The following TMEM232 variants were observed in gnomAD, a reference collection of about 807,000 sequenced individuals.
TMEM232 encodes the protein transmembrane protein 232.
In TMEM232, 80 loss-of-function variants were observed where a neutral mutation model predicts 78.8. The ratio of observed to expected loss-of-function variants is 1.01; its 90% CI spans 0.85 to 1.22. The LOEUF (loss-of-function observed/expected upper bound fraction) is 1.22. TMEM232 is among the 50% of genes most tolerant of loss of function. The pLI is 0.00. For synonymous variants in TMEM232, 297 were observed against 254.3 expected, an observed-to-expected ratio of 1.17 and a Z score of -1.60; for missense variants, 881 against 742.2, an observed-to-expected ratio of 1.19 and a Z score of -2.17.
chr5:110,532,357 G>C (rs1406928621), intron 11 of TMEM232, among the ~76,000 whole-genome samples: 2 of 151,412 alleles, frequency 1.3e-5, no homozygotes, highest in Middle Eastern at 3.2e-3. Context: ...GACCATCACG[G>C]ATGCCGAGCT....
intron 8 of TMEM232, among the ~76,000 whole-genome samples, chr5:110,609,508 G>A: frequency 6.6e-6 from 1 of 151,738 alleles, no homozygotes; most frequent in Non-Finnish European, 1.5e-5. Flanking sequence ...AGTATTATTT[G>A]AGTTCATTCT....
intron 2 of TMEM232, among the ~76,000 whole-genome samples, chr5:110,664,180 A>G (rs1297196796): frequency 2.0e-5 from 3 of 152,146 alleles, no homozygotes; most frequent in African/African-American, 7.2e-5. Flanking sequence ...CTGCACAGAT[A>G]CACAAGGAGA....
intron 2 of TMEM232, among the ~76,000 whole-genome samples, chr5:110,414,451 ATATGG>A (rs1156748718): frequency 6.6e-6 from 1 of 152,178 alleles, no homozygotes; most frequent in Admixed American, 6.5e-5. Flanking sequence ...ATCTCTATCT[ATATGG>A]TGAAATATCA....
intron 2 of TMEM232, among the ~76,000 whole-genome samples, chr5:110,410,747 GGTA>G (rs1185079722): frequency 6.6e-6 from 1 of 152,180 alleles, no homozygotes; most frequent in Non-Finnish European, 1.5e-5. Context: ...AAAGTGAGGT[GGTA>G]GTAGTATTAC....
At chr5:110,394,000 T>C (rs1755298814) in intron 3 of TMEM232, among the ~76,000 whole-genome samples, 1 of 151,694 alleles carries the variant, frequency 6.6e-6, no homozygotes. Context: ...TTGTTGACTG[T>C]AGTCACCATG....
rs573875674 is a variant in TMEM232 at position 110,438,528 on chromosome 5, T to C, written c.1704-13612A>G. ...GTTCATCTAATGTCACGCTACTTTCTATAAGGTTCTTTTATTTTCTATATT... is the reference window on the plus strand; with the variant it reads ...GTTCATCTAATGTCACGCTACTTTCCATAAGGTTCTTTTATTTTCTATATT... On this transcript the variant is annotated intron_variant, in intron 12 of 13. Transcript: ENST00000455884. Among the ~76,000 whole-genome samples, 5 of 152,160 alleles carry C rather than the reference T, an allele frequency of 3.3e-5. No homozygotes were observed. The South Asian group carries it at 1.0e-3, about 32-fold the overall frequency.
chr5:110,508,701 GCTGTTTCC>G (rs1767260770), intron 12 of TMEM232, among the ~76,000 whole-genome samples: 1 of 150,438 alleles, frequency 6.6e-6, no homozygotes, highest in South Asian at 2.1e-4. Context: ...AGCTGTTTGT[GCTGTTTCC>G]CTTTCACGAA....
In TMEM232 at chr5:110,615,366, G is replaced by A. The variant is rs545119128; in HGVS notation, c.902+3063C>T. ...TATGTGGCAATTGCATTTTCAACTT[G>A]TTATGGCATTACAAGTTATTATTAT... On this transcript the variant is annotated intron_variant, in intron 8 of 13. Transcript: ENST00000455884. Among the ~76,000 whole-genome samples the A allele has an allele frequency of 3.9e-5, 6 of 151,984 alleles. No homozygotes were observed. In the South Asian group the frequency reaches 1.0e-3, roughly 26 times the overall value.
intron 5 of TMEM232, 59 bp downstream of exon 5, chr5:110,638,139 T>C (rs1035446046): frequency 6.2e-6 from 8 of 1,280,012 alleles, no homozygotes; most frequent in Non-Finnish European, 8.5e-6. Flanking sequence ...ACAGATGTCA[T>C]GTTGTTACAT....
At chr5:110,692,087 A>AT (rs1159168595) in intron 1 of TMEM232, among the ~76,000 whole-genome samples, 2 of 151,728 alleles carry the variant, frequency 1.3e-5, no homozygotes, top group African/African-American at 2.4e-5. Flanking sequence ...CGCTCGGCTA[A>AT]TTTTTTTGTA....
chr5:110,403,338 C>T (rs1395717847), intron 2 of TMEM232, among the ~76,000 whole-genome samples: 2 of 152,040 alleles, frequency 1.3e-5, no homozygotes, highest in East Asian at 1.9e-4. Flanking sequence ...TACCATCACT[C>T]TCAGCTAGAT....
At chr5:110,546,196 G>A (rs1430792150) in intron 11 of TMEM232, among the ~76,000 whole-genome samples, 3 of 151,928 alleles carry the variant, frequency 2.0e-5, no homozygotes, top group Non-Finnish European at 4.4e-5. Flanking sequence ...ATGATAAAAT[G>A]TTATCATGGA....
At chr5:110,729,315 A>C (rs1284608524), upstream of TMEM232, among the ~76,000 whole-genome samples, 1 of 152,178 alleles carries the variant, frequency 6.6e-6, no homozygotes, top group African/African-American at 2.4e-5. Context: ...GTCTGAAAAT[A>C]TACTTGCCCA....
At chr5:110,390,454 T>C (rs573550013) in exon 4 of TMEM232, 50 of 152,300 alleles carry the variant, frequency 3.3e-4, no homozygotes, top group African/African-American at 1.2e-3. Context: ...AATCAGATCT[T>C]TTACATGGGA....
chr5:110,719,510 G>T (rs1175433213), intron 1 of TMEM232, among the ~76,000 whole-genome samples: 1 of 151,946 alleles, frequency 6.6e-6, no homozygotes, highest in East Asian at 1.9e-4. Context: ...TCCTGTATAT[G>T]AGTCACACTT....
At chr5:110,429,447 C>T (rs183368187) in intron 12 of TMEM232, among the ~76,000 whole-genome samples, 1 of 151,794 alleles carries the variant, frequency 6.6e-6, no homozygotes, top group African/African-American at 2.4e-5. Context: ...CCAAAGCTCT[C>T]CTGAAGACAT....
chr5:110,477,746 C>G (rs1480576232), intron 12 of TMEM232, among the ~76,000 whole-genome samples: 3 of 151,828 alleles, frequency 2.0e-5, no homozygotes, highest in Non-Finnish European at 4.4e-5. Flanking sequence ...CTTACTACAT[C>G]AACATCCATC....
intron 12 of TMEM232, among the ~76,000 whole-genome samples, chr5:110,502,189 C>G (rs1766339475): frequency 6.6e-6 from 1 of 152,044 alleles, no homozygotes; most frequent in Admixed American, 6.6e-5. Flanking sequence ...CATAAATGTT[C>G]CTCAAGTCTT....
intron 1 of TMEM232, chr5:110,684,922 G>A (rs1295625395): frequency 1.3e-5 from 2 of 152,060 alleles, no homozygotes; most frequent in South Asian, 2.1e-4. Context: ...TAAGCACCAG[G>A]AGGCCAACAA....
Sources: gnomAD v4.1 joint callset for allele counts (sites outside exome capture counted in the v4.1 genomes callset) on GRCh38, gnomAD v4.1.1 for gene constraint, MANE v1.5 for transcripts, NCBI Gene and HGNC (gene_info 2026-07-23, HGNC 2026-07-21) for gene names.